Variants in PLXNB2 observed in about 807,000 individuals in gnomAD.
PLXNB2 encodes plexin-B2.
In PLXNB2, 85 loss-of-function variants were observed where a neutral mutation model predicts 202.6. That is an observed-to-expected ratio of 0.42 (90% CI 0.35 to 0.50). The LOEUF (loss-of-function observed/expected upper bound fraction) is 0.50. Among genes scored for constraint, PLXNB2 ranks in the 20% least tolerant of loss-of-function variants. The probability of loss-of-function intolerance (pLI) is 0.02; values close to 1 mark genes in which losing one functional copy is unlikely to be tolerated. For synonymous variants in PLXNB2, 1,239 were observed against 1,137.6 expected (o/e 1.09, Z -1.79); for missense variants, 2,063 against 2,586.2 (o/e 0.80, Z 4.39).
At chr22:50,278,818 G>A in intron 28 of PLXNB2, 37 bp downstream of exon 28, 1 of 1,601,376 alleles carries the variant, frequency 6.2e-7, no homozygotes, top group Non-Finnish European at 8.5e-7. Context: ...CAGGCACATG[G>A]GCGCCTGTGT....
chr22:50,277,767 C>T (rs373304382), intron 32 of PLXNB2, 29 bp from the exon 33 acceptor site: 84 of 1,585,106 alleles, frequency 5.3e-5, no homozygotes, highest in African/African-American at 2.5e-4. Context: ...GAATGAGAGC[C>T]GGGGCTGGGC....
rs369184634 is a variant in PLXNB2, at chr22:50,284,699, G to A, written c.2089-34C>T. ...CATGCCGTCAGGACCCTGGACAGGC[G>A]GCTGTGGCACCCTGGCCCTCCTCCC... is the stretch of plus-strand genomic sequence containing the variant. On this transcript the variant is annotated intron_variant, in intron 11 of 36. Coordinates refer to ENST00000359337, the MANE Select transcript of PLXNB2 (RefSeq NM_012401.4). The surrounding 1 kb of genome is among the most constrained non-coding windows in gnomAD (Gnocchi z 8.0). 1.8e-5 allele frequency: 28 copies of A among 1,539,578 alleles called. No individual in the cohort carries two copies. The highest frequency in any genetic ancestry group is 9.5e-5 in the African/African-American group (7 of 73,486).
intron 1 of PLXNB2, among the ~76,000 whole-genome samples, chr22:50,298,307 T>C (rs922576815): frequency 2.0e-5 from 3 of 151,838 alleles, no homozygotes; most frequent in African/African-American, 7.3e-5. Context: ...CTAGACAGCC[T>C]GGGAGGCAGC....
chr22:50,297,227 C>A lies in PLXNB2; in HGVS notation c.-73-2449G>T, dbSNP rs1000786781. On this transcript the variant is annotated intron_variant, in intron 1 of 36. Transcript: ENST00000359337. The surrounding 1 kb of genome is among the most constrained non-coding windows in gnomAD (Gnocchi z 5.3). ...GGACGCCACACCGGCCTGTGTGCCCCATGCCCACTCCCTGCAGCACACCCC... is the reference window on the plus strand; with the variant it reads ...GGACGCCACACCGGCCTGTGTGCCCAATGCCCACTCCCTGCAGCACACCCC... Among the ~76,000 whole-genome samples, 2 of 152,156 alleles carry A rather than the reference C, an allele frequency of 1.3e-5. No individual in the cohort carries two copies. Among genetic ancestry groups the A allele is most frequent in the Non-Finnish European group, 2.9e-5 (2 of 68,018 alleles).
chr22:50,278,726 C>T (rs746343623), intron 28 of PLXNB2, 30 bp from the exon 29 acceptor site: 3 of 1,594,604 alleles, frequency 1.9e-6, no homozygotes, highest in Non-Finnish European at 2.6e-6. Flanking sequence ...AGCTTGGGCC[C>T]CAGCCACCCA....
In PLXNB2 at chr22:50,288,847, A is replaced by G; in HGVS notation, c.1276T>C (p.Ser426Pro). 6.2e-7 allele frequency: 1 copy of G among 1,613,370 alleles called. No individual in the cohort carries two copies. Among genetic ancestry groups the G allele is most frequent in the South Asian group, 1.1e-5 (1 of 91,076 alleles). Residue 426 changes from serine to proline, a missense_variant, in exon 5 of 37, where the codon TCC becomes CCC. Ser to Pro is a moderately conservative substitution (Grantham distance 74). Coordinates refer to ENST00000359337, the MANE Select transcript of PLXNB2 (RefSeq NM_012401.4). This position sits in a 1 kb window ranked among gnomAD's most constrained non-coding sequence, Gnocchi z 5.0. ...LKVYLTPDGTSSEYDSILVEI... is the reference protein window; with the variant it reads ...LKVYLTPDGTPSEYDSILVEI... The stretch of plus-strand genomic sequence containing the variant: ...ACAAGGATAGAGTCGTACTCTGAGG[A>G]GGTGCCATCTGGGGTGAGGTACACC...
chr22:50,287,841 C>A, intron 6 of PLXNB2, 48 bp from the exon 7 acceptor site: 1 of 1,595,688 alleles, frequency 6.3e-7, no homozygotes. Flanking sequence ...TCTTGTTCTC[C>A]CGGGACAGGA....
At chr22:50,282,615 A>G (rs2066085117) in intron 18 of PLXNB2, 96 bp downstream of exon 18, 1 of 890,624 alleles carries the variant, frequency 1.1e-6, no homozygotes, top group African/African-American at 2.0e-5. Flanking sequence ...TGCACAGACC[A>G]GCCCCACCAC....
At position 50,289,327 on chromosome 22, in the gene PLXNB2, G is replaced by A. The variant is rs544486428; in HGVS notation, c.1069-185C>T. Among the ~76,000 whole-genome samples, 26 of 152,252 alleles carry A rather than the reference G, an allele frequency of 1.7e-4. No homozygotes were observed. The highest frequency in any genetic ancestry group is 3.4e-3 in the Middle Eastern group (1 of 294). Reference sequence around the variant, plus strand: ...CTCACTGTTGTGTTCCCCAGTGCCCGACACAGGCCTGGGACTGGCGCCAGC... The same window carrying A: ...CTCACTGTTGTGTTCCCCAGTGCCCAACACAGGCCTGGGACTGGCGCCAGC... On this transcript the variant is annotated intron_variant, in intron 3 of 36. Transcript: ENST00000359337. The surrounding 1 kb of genome is among the most constrained non-coding windows in gnomAD (Gnocchi z 8.0).
chr22:50,278,483 C>T lies in PLXNB2; in HGVS notation c.4684G>A (p.Gly1562Arg), dbSNP rs1376846095. 6.4e-7 allele frequency: 1 copy of T among 1,561,620 alleles called. No individual in the cohort carries two copies. Among genetic ancestry groups the T allele is most frequent in the Non-Finnish European group, 8.7e-7 (1 of 1,153,354 alleles). The change falls in exon 30 of 37, where the codon GGG becomes AGG. Residue 1562 changes from glycine to arginine, a missense_variant. Gly to Arg is a moderately radical substitution (Grantham distance 125, BLOSUM62 -2). Around this residue, in one of 2 missense-constraint regions of PLXNB2, gnomAD observed 760 missense variants for 1,109.4 expected, o/e 0.69. Transcript: ENST00000359337. ...CTGTCCTCCGGCTGCTGGGAGACCC[C>T]CACCTTGGACAGGATGAGGGTGGCT... ...DGATLILSKV[G>R]VSQQPEDSQQ...
intron 2 of PLXNB2, among the ~76,000 whole-genome samples, chr22:50,292,732 C>T (rs575103116): frequency 4.6e-5 from 7 of 152,084 alleles, no homozygotes; most frequent in South Asian, 2.1e-4. Flanking sequence ...TCCACCTGCC[C>T]GTGGCAACCC....
At chr22:50,300,306 C>T in intron 1 of PLXNB2, 41 of 985,376 alleles carry the variant, frequency 4.2e-5, no homozygotes, top group Non-Finnish European at 4.8e-5. Context: ...ATCGCACAGC[C>T]GGCCATTACC....
In PLXNB2 at chr22:50,290,172, C is replaced by T. The variant is rs781132198; in HGVS notation, c.413G>A (p.Ser138Asn). The T allele has an allele frequency of 6.2e-6, 10 of 1,612,700 alleles. No individual in the cohort carries two copies. Among genetic ancestry groups the T allele is most frequent in the Non-Finnish European group, 8.5e-7 (1 of 1,180,006 alleles). The change falls in exon 3 of 37, where the codon AGC becomes AAC. Residue 138 changes from serine to asparagine, a missense_variant. By Grantham distance (46) the Ser-to-Asn change is conservative (BLOSUM62 1). Coordinates refer to ENST00000359337, the MANE Select transcript of PLXNB2 (RefSeq NM_012401.4). ...ISLRLFYEDG[S>N]GEKSFVASND... The stretch of plus-strand genomic sequence containing the variant: ...GCTGGCCACGAAAGACTTCTCCCCG[C>T]TGCCGTCCTCGTAGAACAGGCGGAG...
At chr22:50,279,495 G>C in intron 27 of PLXNB2, 135 bp downstream of exon 27, 1 of 869,250 alleles carries the variant, frequency 1.2e-6, no homozygotes, top group Non-Finnish European at 1.8e-6. Flanking sequence ...GGCCGAGTTA[G>C]AGCAGGCTGT....
At position 50,275,671 on chromosome 22, in the gene PLXNB2, C is replaced by T. The variant is rs370352944; in HGVS notation, c.*33G>A. On this transcript the variant is annotated 3_prime_UTR_variant, in exon 37 of 37. Coordinates refer to ENST00000359337, the MANE Select transcript of PLXNB2 (RefSeq NM_012401.4). ...GAGGGGCTCTCAGGTACCTCAGGTA[C>T]CTATGTCCCAAGGCAGCACTGGAGA... The T allele has an allele frequency of 2.1e-6, 3 of 1,446,738 alleles. No homozygotes were observed. Among genetic ancestry groups the T allele is most frequent in the Admixed American group, 1.8e-5 (1 of 54,414 alleles). 89.6% of individuals were successfully genotyped at this position (1,446,738 alleles called of 1,614,324 possible).
At chr22:50,277,299 T>TC (rs1183470099) in intron 33 of PLXNB2, among the ~76,000 whole-genome samples, 1 of 88,774 alleles carries the variant, frequency 1.1e-5, no homozygotes, top group Non-Finnish European at 2.4e-5. Context: ...AGACTCCATC[T>TC]CAAAAAAAAA....
intron 15 of PLXNB2, 25 bp from the exon 16 acceptor site, chr22:50,283,470 C>T (rs1402559492): frequency 1.9e-6 from 3 of 1,606,882 alleles, no homozygotes; most frequent in South Asian, 1.1e-5. Context: ...GCAGTGTGGC[C>T]CAGGCACTCC....
At chr22:50,276,072 G>C in intron 35 of PLXNB2, 109 bp from the exon 36 acceptor site, 2 of 1,020,034 alleles carry the variant, frequency 2.0e-6, no homozygotes, top group Non-Finnish European at 3.0e-6. Flanking sequence ...AAGCAGCTGG[G>C]GCCTTGGGCA....
rs1051048690 is a variant in PLXNB2, at chr22:50,304,862, C to T, written c.-74+2691G>A. On this transcript the variant is annotated intron_variant, in intron 1 of 36. Coordinates refer to ENST00000359337, the MANE Select transcript of PLXNB2 (RefSeq NM_012401.4). ...AAGGGAGGTCAAGGCTGGGGGGCCA[C>T]TTGCTGGCCACTGGGTGAATTCTGA... Among the ~76,000 whole-genome samples the T allele has an allele frequency of 2.0e-5, 3 of 152,194 alleles. No individual in the cohort carries two copies. In the East Asian group the frequency reaches 5.8e-4, roughly 29 times the overall value.
Sources: allele counts gnomAD v4.1 joint callset (sites outside exome capture counted in the v4.1 genomes callset), GRCh38; gene constraint gnomAD v4.1.1; regional missense constraint gnomAD v4.1.1; non-coding constraint Gnocchi (gnomAD v3.1); transcripts MANE v1.5; gene names NCBI Gene and HGNC (gene_info 2026-07-23, HGNC 2026-07-21).